The following GALNT13 variants were observed in gnomAD, a reference collection of about 807,000 sequenced individuals.
The protein encoded by GALNT13 is UDP-GalNAc:polypeptide N-acetylgalactosaminyltransferase 13.
GALNT13 carries 28 observed loss-of-function variants against 64.2 expected under a neutral mutation model. The observed-to-expected ratio is 0.44, with a 90% confidence interval of 0.32 to 0.60. The LOEUF is 0.60. Ranked by LOEUF, GALNT13 falls within the 20% of genes least tolerant of loss-of-function variation. The pLI is 0.05. For synonymous variants in GALNT13, 214 were observed against 224.6 expected (o/e 0.95, Z 0.42); for missense variants, 577 against 669.8 (o/e 0.86, Z 1.53).
the GALNT13 span, among the ~76,000 whole-genome samples, chr2:153,470,365 C>T: frequency 6.6e-6 from 1 of 152,148 alleles, no homozygotes; most frequent in Non-Finnish European, 1.5e-5. Flanking sequence ...TGTCACTGGT[C>T]ATTGACTGAG....
At chr2:153,243,736 G>T in the GALNT13 span, among the ~76,000 whole-genome samples, 5 of 152,100 alleles carry the variant, frequency 3.3e-5, no homozygotes, top group Admixed American at 1.3e-4. Context: ...ATGTTCTGTG[G>T]GTATGAGCAA....
intron 3 of GALNT13, among the ~76,000 whole-genome samples, chr2:154,034,485 G>A (rs1042717970): frequency 6.6e-6 from 1 of 152,070 alleles, no homozygotes; most frequent in Admixed American, 6.6e-5. Flanking sequence ...TTTGTTACAT[G>A]GATATATTGC....
At position 153,889,815 on chromosome 2, in the gene GALNT13, A is replaced by T. The variant is rs118024863; in HGVS notation, c.-176-11121A>T. ...ATAGTTTAAGGCACTATGTAAATGC[A>T]AGATCAGGCACTTCCAATTTATTGA... On this transcript the variant is annotated intron_variant, in intron 1 of 12. Transcript: ENST00000392825. 2.0e-5 allele frequency among the ~76,000 whole-genome samples: 3 copies of T among 152,146 alleles called. No individual in the cohort carries two copies. The East Asian group carries it at 5.8e-4, about 29-fold the overall frequency.
At chr2:154,163,255 A>G (rs560576163) in intron 4 of GALNT13, among the ~76,000 whole-genome samples, 1 of 151,006 alleles carries the variant, frequency 6.6e-6, no homozygotes, top group African/African-American at 2.4e-5. Context: ...TCCTTGCGAT[A>G]GAAGGAAATA....
chr2:154,044,507 G>A (rs1699180974), intron 3 of GALNT13, among the ~76,000 whole-genome samples: 1 of 152,118 alleles, frequency 6.6e-6, no homozygotes, highest in South Asian at 2.1e-4. Context: ...GGTCATTATA[G>A]GCCTGGTCAT....
the GALNT13 span, among the ~76,000 whole-genome samples, chr2:153,486,746 T>G: frequency 6.6e-6 from 1 of 152,312 alleles, no homozygotes; most frequent in Admixed American, 6.5e-5. Flanking sequence ...GCATCCTATT[T>G]TTAGATGTGC....
the GALNT13 span, among the ~76,000 whole-genome samples, chr2:153,600,811 C>T: frequency 1.3e-5 from 2 of 151,930 alleles, no homozygotes; most frequent in Non-Finnish European, 2.9e-5. Context: ...ATTTTCTGTG[C>T]TGTAATTCAG....
At chr2:153,924,793 G>T (rs1374867780) in intron 2 of GALNT13, among the ~76,000 whole-genome samples, 1 of 151,898 alleles carries the variant, frequency 6.6e-6, no homozygotes, top group African/African-American at 2.4e-5. Context: ...TTTTTGATTT[G>T]CATTTCTCTA....
the GALNT13 span, among the ~76,000 whole-genome samples, chr2:153,151,433 G>A: frequency 6.6e-6 from 1 of 151,880 alleles, no homozygotes; most frequent in East Asian, 1.9e-4. Context: ...GATTCCTCAG[G>A]GATCTAGAAC....
the GALNT13 span, among the ~76,000 whole-genome samples, chr2:153,332,972 C>T: frequency 6.6e-6 from 1 of 152,134 alleles, no homozygotes; most frequent in Non-Finnish European, 1.5e-5. Context: ...CAGTTGTCTT[C>T]CCACCCCAGG....
At chr2:153,296,179 A>C in the GALNT13 span, among the ~76,000 whole-genome samples, 2 of 152,270 alleles carry the variant, frequency 1.3e-5, no homozygotes, top group African/African-American at 4.8e-5. Context: ...TTAAGAACTG[A>C]AACTTGAGGA....
chr2:153,705,704 T>C, the GALNT13 span, among the ~76,000 whole-genome samples: 2 of 152,182 alleles, frequency 1.3e-5, no homozygotes, highest in Non-Finnish European at 2.9e-5. Context: ...TCCTGGCACT[T>C]CTGCTAACAT....
chr2:153,258,500 G>A, the GALNT13 span, among the ~76,000 whole-genome samples: 1 of 151,864 alleles, frequency 6.6e-6, no homozygotes, highest in Non-Finnish European at 1.5e-5. Flanking sequence ...TACAAGTTTT[G>A]CATTTGGTTT....
At chr2:154,042,439 G>T (rs1332151470) in intron 3 of GALNT13, among the ~76,000 whole-genome samples, 1 of 139,608 alleles carries the variant, frequency 7.2e-6, no homozygotes, top group Admixed American at 7.2e-5. Flanking sequence ...AAGGTAATAT[G>T]TTATGACATT....
the GALNT13 span, among the ~76,000 whole-genome samples, chr2:153,694,242 G>A: frequency 6.6e-6 from 1 of 152,158 alleles, no homozygotes; most frequent in African/African-American, 2.4e-5. Flanking sequence ...GGTGCTGAGA[G>A]TTTATTTTTC....
At chr2:153,673,473 A>G in the GALNT13 span, among the ~76,000 whole-genome samples, 8 of 152,366 alleles carry the variant, frequency 5.3e-5, no homozygotes, top group South Asian at 1.4e-3. Flanking sequence ...GATTATCTCA[A>G]TAGATGCAGA....
intron 8 of GALNT13, among the ~76,000 whole-genome samples, chr2:154,290,515 C>T (rs1421835496): frequency 6.6e-6 from 1 of 152,148 alleles, no homozygotes; most frequent in Non-Finnish European, 1.5e-5. Context: ...AAGCTGGAGG[C>T]GGCTTATTCT....
rs575706675 is a variant in GALNT13 at position 154,001,094 on chromosome 2, C to T, written c.142+56455C>T. On this transcript the variant is annotated intron_variant, in intron 3 of 12. Transcript: ENST00000392825. Reference sequence around the variant, plus strand: ...CCTCTCTTAAATTTTATCTGAAACACATATAGCTACTTACACTCTTTTTTT... The same window carrying T: ...CCTCTCTTAAATTTTATCTGAAACATATATAGCTACTTACACTCTTTTTTT... Among the ~76,000 whole-genome samples, 4 of 151,996 alleles carry T rather than the reference C, an allele frequency of 2.6e-5. No individual in the cohort carries two copies. The East Asian group carries it at 7.7e-4, about 29-fold the overall frequency.
the GALNT13 span, among the ~76,000 whole-genome samples, chr2:153,510,052 C>A: frequency 6.6e-6 from 1 of 152,066 alleles, no homozygotes; most frequent in Admixed American, 6.5e-5. Context: ...GAGCTGTGAC[C>A]CTTTAGGGTC....
Sources: allele counts gnomAD v4.1 joint callset (sites outside exome capture counted in the v4.1 genomes callset), GRCh38; gene constraint gnomAD v4.1.1; transcripts MANE v1.5; gene names NCBI Gene and HGNC (gene_info 2026-07-23, HGNC 2026-07-21).